DNASE1: variants seen among roughly 807,000 people sequenced by gnomAD.
DNASE1 encodes deoxyribonuclease 1, also known as deoxyribonuclease-1.
A neutral mutation model predicts 33.9 loss-of-function variants in DNASE1; 40 were observed. The observed-to-expected ratio is 1.18, with a 90% CI of 0.92 to 1.54. The LOEUF is 1.54. Ranked by LOEUF, DNASE1 falls within the 40% of genes most tolerant of loss-of-function variation. The probability of loss-of-function intolerance (pLI) is 0.00; values close to 1 mark genes in which losing one functional copy is unlikely to be tolerated. For synonymous variants in DNASE1, 216 were observed against 160.0 expected (o/e 1.35, Z -2.64); for missense variants, 518 against 372.6 (o/e 1.39, Z -3.21).
intron 4 of DNASE1, 53 bp downstream of exon 4, chr16:3,656,238 C>A: frequency 6.4e-7 from 1 of 1,560,532 alleles, no homozygotes; most frequent in Non-Finnish European, 8.8e-7. Context: ...AGGGCCCCAA[C>A]AGAGCAGGGA....
intron 1 of DNASE1, among the ~76,000 whole-genome samples, chr16:3,625,722 T>TA: frequency 6.6e-6 from 1 of 152,166 alleles, no homozygotes; most frequent in East Asian, 1.9e-4. Flanking sequence ...AAAAAATTCT[T>TA]AAACAGGGAC....
At chr16:3,655,704 G>C in intron 2 of DNASE1, 145 bp from the exon 3 acceptor site, 1 of 1,369,212 alleles carries the variant, frequency 7.3e-7, no homozygotes, top group South Asian at 1.2e-5. Context: ...GCTGTCCCTG[G>C]CTGGCAGCAG....
downstream of DNASE1, chr16:3,658,364 G>A (rs1325289424): frequency 2.1e-5 from 15 of 709,844 alleles, no homozygotes; most frequent in Non-Finnish European, 1.6e-5. Flanking sequence ...AACCTCAGGT[G>A]ATCCCCCCGC....
intron 1 of DNASE1, among the ~76,000 whole-genome samples, chr16:3,644,752 T>TA (rs916444993): frequency 1.4e-5 from 2 of 138,490 alleles, no homozygotes; most frequent in Admixed American, 7.2e-5. Context: ...AAAAAAGAAA[T>TA]AAAAAATCCA....
intron 1 of DNASE1, among the ~76,000 whole-genome samples, chr16:3,615,553 C>T (rs1460898169): frequency 1.3e-5 from 2 of 152,200 alleles, no homozygotes; most frequent in Non-Finnish European, 2.9e-5. Flanking sequence ...AAACCCACTG[C>T]ACTGTCAGAA....
rs534632626 is a variant in DNASE1 at position 3,656,754 on chromosome 16, G to A, written c.436+1G>A. ...GTCAGGTTCTTCTCCCGGTTCACAG[G>A]TGGGTGCTGCCTGGGCCAGGGTGGG... On this transcript the variant is annotated splice_donor_variant, in intron 5 of 8. Coordinates refer to ENST00000246949, the MANE Select transcript of DNASE1 (RefSeq NM_005223.4). LOFTEE classifies it high-confidence loss of function. The A allele has an allele frequency of 1.2e-6, 2 of 1,603,522 alleles. No individual in the cohort carries two copies.
exon 10 of DNASE1, chr16:3,663,771 C>G (rs530378548): frequency 5.0e-6 from 3 of 600,192 alleles, no homozygotes; most frequent in African/African-American, 1.9e-5. Context: ...AAGCACTCCA[C>G]GCATAAAGAA....
Position 3,657,312 on chromosome 16 carries a change from A to C in DNASE1, c.675A>C (p.Thr225=), listed in dbSNP as rs2042730468. 1 of 1,613,580 alleles carries C rather than the reference A, an allele frequency of 6.2e-7. No individual in the cohort carries two copies. Among genetic ancestry groups the C allele is most frequent in the South Asian group, 1.1e-5 (1 of 91,090 alleles). Residue 225 remains threonine (T), a synonymous_variant, in exon 7 of 9, where the codon ACA becomes ACC. Coordinates refer to ENST00000246949, the MANE Select transcript of DNASE1 (RefSeq NM_005223.4). ...TGATCCCCGACAGCGCTGACACCAC[A>C]GCTACACCCACGCACTGTGCCTATG... ...QWLIPDSADT[T]ATPTHCAYDR... is the part of the protein sequence containing the mutation.
chr16:3,630,110 G>A (rs549344645), intron 1 of DNASE1, among the ~76,000 whole-genome samples: 25 of 151,842 alleles, frequency 1.6e-4, no homozygotes, highest in African/African-American at 5.6e-4. Flanking sequence ...GAGCCACCAC[G>A]CCCAGCCCTT....
chr16:3,620,946 G>A (rs758988733), intron 1 of DNASE1, among the ~76,000 whole-genome samples: 1 of 151,934 alleles, frequency 6.6e-6, no homozygotes, highest in Non-Finnish European at 1.5e-5. Flanking sequence ...GATTACAGGC[G>A]CCTGCACCAC....
upstream of DNASE1, chr16:3,640,767 C>T (rs969444155): frequency 4.0e-5 from 16 of 398,594 alleles, no homozygotes; most frequent in East Asian, 2.1e-4. Flanking sequence ...CTGAGTGGTA[C>T]AGCGCCAGCC....
At chr16:3,656,229 G>C in intron 4 of DNASE1, 44 bp downstream of exon 4, 1 of 1,589,660 alleles carries the variant, frequency 6.3e-7, no homozygotes, top group South Asian at 1.1e-5. Flanking sequence ...TCACCTGGGA[G>C]GGCCCCAACA....
rs148684969 is a variant in DNASE1, at chr16:3,657,754, G to T, written c.739G>T (p.Val247Phe). The T allele has an allele frequency of 1.1e-5, 18 of 1,613,896 alleles. No individual in the cohort carries two copies. The East Asian group carries it at 3.8e-4, about 34-fold the overall frequency. The change falls in exon 8 of 9, where the codon GTT becomes TTT. Residue 247 changes from valine to phenylalanine, a missense_variant. Transcript: ENST00000246949. ...VVAGMLLRGA[V>F]VPDSALPFNF... is the part of the protein sequence containing the mutation. ...TGCAGGGATGCTGCTCCGAGGCGCC[G>T]TTGTTCCCGACTCGGCTCTTCCCTT...
upstream of DNASE1, among the ~76,000 whole-genome samples, chr16:3,641,741 G>A (rs1279701652): frequency 6.6e-6 from 1 of 152,188 alleles, no homozygotes; most frequent in African/African-American, 2.4e-5. Context: ...CCCCAGGGGA[G>A]CTTGGGGCCC....
chr16:3,637,314 G>C (rs987525322), intron 1 of DNASE1, among the ~76,000 whole-genome samples: 2 of 152,146 alleles, frequency 1.3e-5, no homozygotes, highest in Admixed American at 1.3e-4. Flanking sequence ...TAAAGTCTGA[G>C]ATATGCAGGT....
chr16:3,659,674 A>G (rs1388103119), downstream of DNASE1: 1 of 152,136 alleles, frequency 6.6e-6, no homozygotes, highest in Non-Finnish European at 1.5e-5. Flanking sequence ...TGGAGTCGGG[A>G]AAACCACATG....
chr16:3,658,915 ACCCT>A, downstream of DNASE1: 4 of 1,578,164 alleles, frequency 2.5e-6, no homozygotes, highest in Non-Finnish European at 2.6e-6. Context: ...ACGTGCTGTG[ACCCT>A]CCCTTCATGT....
At chr16:3,641,416 G>A (rs1240348752), upstream of DNASE1, among the ~76,000 whole-genome samples, 1 of 152,184 alleles carries the variant, frequency 6.6e-6, no homozygotes, top group Non-Finnish European at 1.5e-5. Context: ...GTCTGCCCCC[G>A]CTCAAGGGCC....
chr16:3,612,680 AT>A (rs1365627496), intron 1 of DNASE1, among the ~76,000 whole-genome samples: 2 of 151,452 alleles, frequency 1.3e-5, no homozygotes, highest in Non-Finnish European at 2.9e-5. Context: ...AAGCGCTGAG[AT>A]TACAGGCGTG....
Sources: gnomAD v4.1 joint callset for allele counts (sites outside exome capture counted in the v4.1 genomes callset) on GRCh38, gnomAD v4.1.1 for gene constraint, MANE v1.5 for transcripts, NCBI Gene and HGNC (gene_info 2026-07-23, HGNC 2026-07-21) for gene names.